Variants in RAB7A observed in about 807,000 individuals in gnomAD.
RAB7A encodes RAB7A, member RAS oncogene family.
In RAB7A, 2 loss-of-function variants were observed where a neutral mutation model predicts 24.5. The ratio of observed to expected loss-of-function variants is 0.08; its 90% CI spans 0.03 to 0.26. The LOEUF (loss-of-function observed/expected upper bound fraction) is 0.26. Ranked by LOEUF, RAB7A falls within the 10% of genes least tolerant of loss-of-function variation. The pLI is 1.00. For synonymous variants in RAB7A, 100 were observed against 95.9 expected (o/e 1.04, Z -0.25); for missense variants, 118 against 255.7 (o/e 0.46, Z 3.67).
intron 3 of RAB7A, among the ~76,000 whole-genome samples, chr3:128,802,471 A>C (rs548419996): frequency 2.6e-5 from 4 of 152,314 alleles, no homozygotes; most frequent in Admixed American, 2.6e-4. Flanking sequence ...AGGGTGTTGT[A>C]GGGTACATAT....
chr3:128,810,123 AAT>A (rs1491465853), intron 5 of RAB7A, among the ~76,000 whole-genome samples: 12 of 150,122 alleles, frequency 8.0e-5, no homozygotes, highest in African/African-American at 2.9e-4. Context: ...TAATTTTGGT[AAT>A]TTTTTAGTAA....
chr3:128,728,156 C>T (rs1439559672), intron 1 of RAB7A, among the ~76,000 whole-genome samples: 1 of 152,104 alleles, frequency 6.6e-6, no homozygotes, highest in Non-Finnish European at 1.5e-5. Context: ...TGGTTCCTGT[C>T]CTCAAGGAAT....
At chr3:128,745,442 C>T (rs147643848) in intron 1 of RAB7A, among the ~76,000 whole-genome samples, 1 of 152,298 alleles carries the variant, frequency 6.6e-6, no homozygotes, top group Non-Finnish European at 1.5e-5. Context: ...CAGCTCACTG[C>T]AGCCTCTGCC....
chr3:128,808,815 C>T (rs560479839), intron 5 of RAB7A, among the ~76,000 whole-genome samples: 16 of 152,166 alleles, frequency 1.1e-4, no homozygotes, highest in East Asian at 9.7e-4. Context: ...TCCAGGAAGC[C>T]GGCTGAATGA....
At chr3:128,781,971 C>T (rs932048531) in intron 1 of RAB7A, among the ~76,000 whole-genome samples, 6 of 152,022 alleles carry the variant, frequency 3.9e-5, no homozygotes, top group African/African-American at 1.4e-4. Flanking sequence ...CAAGATCGCG[C>T]CACTGCACTC....
chr3:128,795,473 T>C, intron 2 of RAB7A, 53 bp downstream of exon 2: 1 of 1,511,878 alleles, frequency 6.6e-7, no homozygotes, highest in Non-Finnish European at 9.2e-7. Flanking sequence ...TAAGCCTCTC[T>C]GCTGTGGAGC....
At chr3:128,761,222 A>G (rs13095694) in intron 1 of RAB7A, among the ~76,000 whole-genome samples, 15,261 of 152,244 alleles carry the variant, frequency 0.1, 813 homozygotes, top group South Asian at 0.17. Context: ...CTCTTTGGGA[A>G]GCGTTCTTAA....
chr3:128,794,853 G>A (rs1040642891), intron 1 of RAB7A, among the ~76,000 whole-genome samples: 1 of 151,962 alleles, frequency 6.6e-6, no homozygotes, highest in Non-Finnish European at 1.5e-5. Context: ...TCTTCATGGA[G>A]ATTGTTAGAA....
intron 1 of RAB7A, among the ~76,000 whole-genome samples, chr3:128,741,791 C>T (rs943444926): frequency 2.0e-5 from 3 of 152,124 alleles, no homozygotes; most frequent in South Asian, 2.1e-4. Flanking sequence ...GATACATACA[C>T]GCATACATAT....
chr3:128,799,403 A>AT (rs1933648541), intron 3 of RAB7A, among the ~76,000 whole-genome samples: 1 of 152,174 alleles, frequency 6.6e-6, no homozygotes, highest in Non-Finnish European at 1.5e-5. Context: ...TCTCCATGGC[A>AT]GTTGTTCTTT....
intron 5 of RAB7A, among the ~76,000 whole-genome samples, chr3:128,811,375 A>G (rs544332981): frequency 6.6e-6 from 1 of 152,356 alleles, no homozygotes; most frequent in Admixed American, 6.5e-5. Flanking sequence ...TGTAATAGCC[A>G]AAAAGTAAGA....
At chr3:128,802,430 G>T (rs1333097117) in intron 3 of RAB7A, among the ~76,000 whole-genome samples, 1 of 152,240 alleles carries the variant, frequency 6.6e-6, no homozygotes, top group African/African-American at 2.4e-5. Flanking sequence ...AGAGGGCACA[G>T]GGTGCACCTC....
chr3:128,740,756 A>T (rs553945501), intron 1 of RAB7A, among the ~76,000 whole-genome samples: 2,053 of 150,784 alleles, frequency 0.014, 45 homozygotes, highest in African/African-American at 0.047. Context: ...AAAAAAAAAT[A>T]GCTGGGTGTG....
At chr3:128,748,365 TG>T (rs2070641153) in intron 1 of RAB7A, among the ~76,000 whole-genome samples, 1 of 152,222 alleles carries the variant, frequency 6.6e-6, no homozygotes, top group Non-Finnish European at 1.5e-5. Flanking sequence ...TCTTCTCAGC[TG>T]GCTGACTTTT....
intron 1 of RAB7A, among the ~76,000 whole-genome samples, chr3:128,776,560 C>T (rs1357888546): frequency 6.6e-6 from 1 of 152,224 alleles, no homozygotes; most frequent in East Asian, 1.9e-4. Context: ...TGCAGGATTA[C>T]AGGTGTGTGC....
At chr3:128,730,772 T>G (rs1185663139) in intron 1 of RAB7A, among the ~76,000 whole-genome samples, 1 of 152,224 alleles carries the variant, frequency 6.6e-6, no homozygotes, top group African/African-American at 2.4e-5. Flanking sequence ...AGCATTGGCC[T>G]TGTTCATTTG....
rs552980995 is a variant in RAB7A at position 128,794,166 on chromosome 3, C to T, written c.-8-1194C>T. On this transcript the variant is annotated intron_variant, in intron 1 of 5. Transcript: ENST00000265062. Reference sequence around the variant, plus strand: ...ATAGCTGGATTACCTTGCCTAGGAGCTGTAACCTGCTGCTTCTCTCACTGT... The same window carrying T: ...ATAGCTGGATTACCTTGCCTAGGAGTTGTAACCTGCTGCTTCTCTCACTGT... Among the ~76,000 whole-genome samples, 30 of 152,308 alleles carry T rather than the reference C, an allele frequency of 2.0e-4. No individual in the cohort carries two copies. In the South Asian group the frequency reaches 5.8e-3, roughly 29 times the overall value.
At chr3:128,728,289 A>G (rs927370294) in intron 1 of RAB7A, among the ~76,000 whole-genome samples, 1 of 152,148 alleles carries the variant, frequency 6.6e-6, no homozygotes, top group Non-Finnish European at 1.5e-5. Flanking sequence ...AACCCAAAGG[A>G]TGGTGTTCTT....
In RAB7A at chr3:128,733,362, T is replaced by A. The variant is rs147444628; in HGVS notation, c.-9+7003T>A. Among the ~76,000 whole-genome samples the A allele has an allele frequency of 1.6e-4, 25 of 152,350 alleles. No homozygotes were observed. In the East Asian group the frequency reaches 4.6e-3, roughly 28 times the overall value. On this transcript the variant is annotated intron_variant, in intron 1 of 5. Coordinates refer to ENST00000265062, the MANE Select transcript of RAB7A (RefSeq NM_004637.6). The stretch of plus-strand genomic sequence containing the variant: ...GTGTTGTTTGTGAGACTTTGTGTTG[T>A]TGTGTACAGTTGTAACTGGAGTTTC...
Sources: allele counts gnomAD v4.1 joint callset (sites outside exome capture counted in the v4.1 genomes callset), GRCh38; gene constraint gnomAD v4.1.1; transcripts MANE v1.5; gene names NCBI Gene and HGNC (gene_info 2026-07-23, HGNC 2026-07-21).